Variants in ZNF469 observed in about 807,000 individuals in gnomAD.
ZNF469 encodes zinc finger protein 469.
A neutral mutation model predicts 1.0 loss-of-function variants in ZNF469; 1 was observed. The ratio of observed to expected loss-of-function variants is 1.00; its 90% CI spans 0.35 to 4.73. The LOEUF (loss-of-function observed/expected upper bound fraction) is 4.73. Among genes scored for constraint, ZNF469 ranks in the 30% most tolerant of loss-of-function variants. The probability of loss-of-function intolerance (pLI) is 0.16; values close to 1 mark genes in which losing one functional copy is unlikely to be tolerated. For missense variants in ZNF469, 6,100 were observed against 5,356.3 expected (o/e 1.14, Z -4.33); for synonymous variants, 2,703 against 2,363.4 (o/e 1.14, Z -4.17).
At chr16:88,343,934 C>T in the ZNF469 span, among the ~76,000 whole-genome samples, 7 of 152,180 alleles carry the variant, frequency 4.6e-5, no homozygotes, top group South Asian at 4.2e-4. Flanking sequence ...AACACGACCT[C>T]GGCCAGGAGG....
the ZNF469 span, among the ~76,000 whole-genome samples, chr16:88,230,882 G>C: frequency 0.94 from 143,541 of 152,232 alleles, 68,252 homozygotes; most frequent in East Asian, 1. Flanking sequence ...GCAGAGGCCC[G>C]GGCTCTCACA....
the ZNF469 span, among the ~76,000 whole-genome samples, chr16:88,296,031 T>G: frequency 1.3e-5 from 2 of 152,204 alleles, no homozygotes; most frequent in African/African-American, 4.8e-5. Flanking sequence ...CCTCGGGCTC[T>G]CGGCTCTGCA....
chr16:88,148,341 C>T, the ZNF469 span, among the ~76,000 whole-genome samples: 1 of 152,198 alleles, frequency 6.6e-6, no homozygotes, highest in Non-Finnish European at 1.5e-5. Flanking sequence ...ACAGGAGGTC[C>T]AGCCACACAA....
In ZNF469 at chr16:88,430,966, G is replaced by A. The variant is rs958736491; in HGVS notation, c.3496G>A (p.Gly1166Ser). The A allele has an allele frequency of 1.4e-5, 21 of 1,536,982 alleles. No individual in the cohort carries two copies. The African/African-American group carries it at 1.4e-4, about 10-fold the overall frequency. The change falls in exon 3 of 3, where the codon GGC becomes AGC. Residue 1166 changes from glycine to serine, a missense_variant. Gly to Ser is a moderately conservative substitution (Grantham distance 56). Coordinates refer to ENST00000565624, the MANE Select transcript of ZNF469 (RefSeq NM_001367624.2). Reference protein sequence around the residue: ...EEPGGSRPGPGRSPQARGPSR... With the variant: ...EEPGGSRPGPSRSPQARGPSR... ...GCCGGGCGGGTCTCGCCCGGGCCCCGGCAGGAGCCCTCAGGCCCGTGGCCC... is the reference window on the plus strand; with the variant it reads ...GCCGGGCGGGTCTCGCCCGGGCCCCAGCAGGAGCCCTCAGGCCCGTGGCCC...
chr16:88,334,300 G>A, the ZNF469 span, among the ~76,000 whole-genome samples: 13 of 152,316 alleles, frequency 8.5e-5, no homozygotes, highest in Non-Finnish European at 1.0e-4. Flanking sequence ...TCTGGGGATG[G>A]ATGGTAAAAA....
the ZNF469 span, among the ~76,000 whole-genome samples, chr16:88,102,621 TC>T: frequency 6.6e-6 from 1 of 152,252 alleles, no homozygotes. Context: ...TCTGGTCCCA[TC>T]CGTCCTCACA....
the ZNF469 span, among the ~76,000 whole-genome samples, chr16:88,256,886 T>TTTCTTTCTCTCTCTCTCTCTCTTTCTTTC: frequency 9.8e-6 from 1 of 101,848 alleles, no homozygotes; most frequent in African/African-American, 3.4e-5. Flanking sequence ...TTTTCTTTTC[T>TTTCTTTCTCTCTCTCTCTCTCTTTCTTTC]TTTCTTTCCT....
the ZNF469 span, among the ~76,000 whole-genome samples, chr16:88,209,302 T>C: frequency 6.6e-6 from 1 of 151,994 alleles, no homozygotes; most frequent in Non-Finnish European, 1.5e-5. Context: ...CTTTTTTTTT[T>C]TCTTTTGAGA....
At chr16:88,287,892 T>C in the ZNF469 span, among the ~76,000 whole-genome samples, 1 of 152,246 alleles carries the variant, frequency 6.6e-6, no homozygotes, top group Non-Finnish European at 1.5e-5. Flanking sequence ...TTTCCTTTTC[T>C]TTATTGCACA....
the ZNF469 span, among the ~76,000 whole-genome samples, chr16:88,334,292 T>C: frequency 2.6e-5 from 4 of 152,292 alleles, no homozygotes; most frequent in African/African-American, 9.6e-5. Flanking sequence ...AAAAAAATTC[T>C]GGGGATGGAT....
the ZNF469 span, among the ~76,000 whole-genome samples, chr16:88,131,191 C>T: frequency 5.3e-5 from 8 of 152,226 alleles, no homozygotes; most frequent in Non-Finnish European, 8.8e-5. Flanking sequence ...TGGGCCATTC[C>T]GTGTCGAGTA....
the ZNF469 span, among the ~76,000 whole-genome samples, chr16:88,295,672 A>G: frequency 0.059 from 8,927 of 152,218 alleles, 532 homozygotes; most frequent in East Asian, 0.16. Context: ...CTCGGTGCAC[A>G]CAAAGACATA....
the ZNF469 span, among the ~76,000 whole-genome samples, chr16:88,166,454 G>A: frequency 6.6e-6 from 1 of 152,168 alleles, no homozygotes; most frequent in African/African-American, 2.4e-5. The surrounding 1 kb of genome is among the most constrained non-coding windows in gnomAD (Gnocchi z 4.5). Flanking sequence ...ACAAGTCTTA[G>A]ATGTACGGTT....
chr16:88,221,253 G>A, the ZNF469 span, among the ~76,000 whole-genome samples: 1 of 152,224 alleles, frequency 6.6e-6, no homozygotes, highest in Admixed American at 6.5e-5. Context: ...TCTCCTGCTA[G>A]CCGTGGCTTC....
rs1905776651 is a variant in ZNF469, at chr16:88,427,620, G to A, written c.150G>A (p.Glu50=). ...CCAGGACCACCAAGGGTGCCAGGGA[G>A]GCTGGCGGCCAGGCCCAGGCCATGG... The part of the protein sequence containing the change: ...PATRTTKGAR[E]AGGQAQAMEL... Residue 50 remains glutamate (E), a synonymous_variant, in exon 3 of 3, where the codon GAG becomes GAA. Coordinates refer to ENST00000565624, the MANE Select transcript of ZNF469 (RefSeq NM_001367624.2). The A allele has an allele frequency of 6.5e-7, 1 of 1,537,216 alleles. No individual in the cohort carries two copies.
Position 88,383,183 on chromosome 16 carries a change from G to C in ZNF469, c.-263G>C, listed in dbSNP as rs1393449543. ...GAGGACGGCGCCTCCGCTGCAGAGC[G>C]CTGGGGCGGCGCGGGCCGGGAGCTC... On this transcript the variant is annotated 5_prime_UTR_variant, in exon 1 of 3. Coordinates refer to ENST00000565624, the MANE Select transcript of ZNF469 (RefSeq NM_001367624.2). Among the ~76,000 whole-genome samples the C allele has an allele frequency of 7.4e-5, 11 of 147,814 alleles. No homozygotes were observed. The highest frequency in any genetic ancestry group is 3.0e-5 in the Non-Finnish European group (2 of 66,306).
intron 1 of ZNF469, among the ~76,000 whole-genome samples, chr16:88,396,277 G>A (rs536898810): frequency 6.6e-6 from 1 of 152,406 alleles, no homozygotes; most frequent in East Asian, 1.9e-4. Context: ...GCAGGTATCT[G>A]CCTGTCTTCA....
intron 1 of ZNF469, among the ~76,000 whole-genome samples, chr16:88,383,942 G>A (rs1452362103): frequency 1.3e-5 from 2 of 152,214 alleles, no homozygotes; most frequent in East Asian, 3.9e-4. Flanking sequence ...GCGGCCGGAA[G>A]GGAAGGCCAA....
the ZNF469 span, among the ~76,000 whole-genome samples, chr16:88,328,150 C>G: frequency 6.6e-6 from 1 of 152,254 alleles, no homozygotes; most frequent in African/African-American, 2.4e-5. Flanking sequence ...GCTGCCGAGT[C>G]TGTGCTTCTC....
Sources: gnomAD v4.1 joint callset for allele counts (sites outside exome capture counted in the v4.1 genomes callset) on GRCh38, gnomAD v4.1.1 for gene constraint, Gnocchi (gnomAD v3.1) non-coding constraint, MANE v1.5 for transcripts, NCBI Gene and HGNC (gene_info 2026-07-23, HGNC 2026-07-21) for gene names.